OLFM2: variants seen among roughly 807,000 people sequenced by gnomAD.
OLFM2 encodes olfactomedin 2, also known as noelin-2.
OLFM2 carries 20 observed loss-of-function variants against 43.9 expected under a neutral mutation model. The observed-to-expected ratio is 0.46, with a 90% CI of 0.32 to 0.66. The LOEUF (loss-of-function observed/expected upper bound fraction) is 0.66. OLFM2 is among the 30% of genes least tolerant of loss of function. OLFM2 has a pLI of 0.04. For missense variants in OLFM2, 416 were observed against 643.6 expected (o/e 0.65, Z 3.83); for synonymous variants, 268 against 278.6 (o/e 0.96, Z 0.38).
rs1048181061 is a variant in OLFM2 at position 9,913,383 on chromosome 19, G to A, written c.63+22921C>T. 8.2e-5 allele frequency: 52 copies of A among 632,142 alleles called. No individual in the cohort carries two copies. In the African/African-American group the frequency reaches 8.3e-4, roughly 10 times the overall value. The allele number at this position is 632,142 out of a possible 1,614,324, so 39.2% of individuals were successfully genotyped here. On this transcript the variant is annotated intron_variant, in intron 1 of 5. Coordinates refer to ENST00000264833, the MANE Select transcript of OLFM2 (RefSeq NM_058164.4). ...CAGGGTCGTGGGAAGCACAGGGGTA[G>A]AGGGGGACAGGTGGGGGCCCCGGGG...
intron 1 of OLFM2, among the ~76,000 whole-genome samples, chr19:9,871,032 G>A (rs558890713): frequency 3.3e-5 from 5 of 152,232 alleles, no homozygotes; most frequent in Admixed American, 3.3e-4. Context: ...CACTTTGGGA[G>A]GTCATGTCAG....
chr19:9,891,881 A>G (rs1213580323), intron 1 of OLFM2, among the ~76,000 whole-genome samples: 1 of 152,172 alleles, frequency 6.6e-6, no homozygotes, highest in Non-Finnish European at 1.5e-5. Flanking sequence ...GCAGGTAGCT[A>G]TATATAGGTT....
intron 1 of OLFM2, among the ~76,000 whole-genome samples, chr19:9,908,347 C>G (rs1045534892): frequency 6.6e-6 from 1 of 151,888 alleles, no homozygotes. Flanking sequence ...GCTCTTGTCA[C>G]CCAGGCTGGA....
chr19:9,926,456 A>G (rs928275075), intron 1 of OLFM2, among the ~76,000 whole-genome samples: 1 of 150,806 alleles, frequency 6.6e-6, no homozygotes, highest in Admixed American at 6.6e-5. Context: ...GGAGGCTGAG[A>G]TGGGAGAATC....
At chr19:9,894,876 C>T (rs903839173) in intron 1 of OLFM2, among the ~76,000 whole-genome samples, 3 of 152,086 alleles carry the variant, frequency 2.0e-5, no homozygotes, top group Admixed American at 1.3e-4. Context: ...GTCCTCAGAG[C>T]TCCAATGCAT....
At chr19:9,873,100 G>A (rs2046456728) in intron 1 of OLFM2, among the ~76,000 whole-genome samples, 1 of 152,194 alleles carries the variant, frequency 6.6e-6, no homozygotes, top group Admixed American at 6.6e-5. Context: ...TCACAGAGCT[G>A]GGATTTGGAT....
At chr19:9,910,987 G>A (rs937843361) in intron 1 of OLFM2, among the ~76,000 whole-genome samples, 2 of 152,058 alleles carry the variant, frequency 1.3e-5, no homozygotes, top group African/African-American at 4.8e-5. Flanking sequence ...TGGATAGCAA[G>A]ACAGATGGAA....
At chr19:9,923,621 G>A (rs886265767) in intron 1 of OLFM2, among the ~76,000 whole-genome samples, 4 of 143,622 alleles carry the variant, frequency 2.8e-5, no homozygotes, top group Non-Finnish European at 6.1e-5. Context: ...AGGAAAGAGA[G>A]AGAGAGAGAA....
intron 1 of OLFM2, chr19:9,913,629 CT>C: frequency 7.8e-7 from 1 of 1,286,324 alleles, no homozygotes; most frequent in Admixed American, 3.5e-5. Context: ...GCGCCTCCGC[CT>C]CATGCCCCGC....
intron 1 of OLFM2, among the ~76,000 whole-genome samples, chr19:9,886,600 A>T (rs2046589031): frequency 6.6e-6 from 1 of 152,120 alleles, no homozygotes; most frequent in Admixed American, 6.6e-5. Context: ...CAACCCCGAA[A>T]GCAGCCCTCA....
At chr19:9,867,325 C>T (rs149836109) in intron 1 of OLFM2, among the ~76,000 whole-genome samples, 21 of 152,292 alleles carry the variant, frequency 1.4e-4, no homozygotes, top group Middle Eastern at 3.4e-3. Context: ...GAGCCGAGAT[C>T]GTGCCATTGC....
At chr19:9,889,121 G>A (rs191969483) in intron 1 of OLFM2, among the ~76,000 whole-genome samples, 1 of 152,052 alleles carries the variant, frequency 6.6e-6, no homozygotes, top group East Asian at 1.9e-4. Context: ...CTCTCGGTGT[G>A]CCCCTTATGT....
chr19:9,893,006 C>T (rs756209794), intron 1 of OLFM2, among the ~76,000 whole-genome samples: 3 of 152,022 alleles, frequency 2.0e-5, no homozygotes, highest in Non-Finnish European at 4.4e-5. Flanking sequence ...ACAGCGTAGC[C>T]CTGATCTACC....
At chr19:9,879,455 G>A (rs547498324) in intron 1 of OLFM2, among the ~76,000 whole-genome samples, 1 of 152,156 alleles carries the variant, frequency 6.6e-6, no homozygotes, top group South Asian at 2.1e-4. Flanking sequence ...TTAAACGTGT[G>A]TAGCACCTCC....
chr19:9,901,380 C>T (rs766956897), intron 1 of OLFM2, among the ~76,000 whole-genome samples: 12 of 151,788 alleles, frequency 7.9e-5, no homozygotes, highest in Non-Finnish European at 1.5e-4. Context: ...GAGCTGAGAT[C>T]GCGTCACTGC....
intron 1 of OLFM2, among the ~76,000 whole-genome samples, chr19:9,931,512 C>T (rs528567296): frequency 6.6e-6 from 1 of 152,082 alleles, no homozygotes; most frequent in Admixed American, 6.6e-5. Flanking sequence ...ACCAGCCTGG[C>T]CAAAATGGTG....
intron 1 of OLFM2, among the ~76,000 whole-genome samples, chr19:9,935,244 TATC>T (rs1171560939): frequency 1.3e-5 from 2 of 152,196 alleles, no homozygotes; most frequent in Non-Finnish European, 2.9e-5. Flanking sequence ...TGATCACTGT[TATC>T]ATAATGACTA....
chr19:9,918,797 C>CT (rs1174764011), intron 1 of OLFM2, among the ~76,000 whole-genome samples: 1 of 152,110 alleles, frequency 6.6e-6, no homozygotes, highest in East Asian at 1.9e-4. Context: ...TCTATTTATA[C>CT]ATAATGTCCA....
At chr19:9,901,882 G>C (rs562453308) in intron 1 of OLFM2, among the ~76,000 whole-genome samples, 4 of 152,322 alleles carry the variant, frequency 2.6e-5, no homozygotes, top group South Asian at 2.1e-4. Flanking sequence ...TTGTGCATTA[G>C]AGGATATGTA....
Sources: gnomAD v4.1 joint callset for allele counts (sites outside exome capture counted in the v4.1 genomes callset) on GRCh38, gnomAD v4.1.1 for gene constraint, MANE v1.5 for transcripts, NCBI Gene and HGNC (gene_info 2026-07-23, HGNC 2026-07-21) for gene names.